COL4A3: variants seen among roughly 807,000 people sequenced by gnomAD.
The protein encoded by COL4A3 is collagen type IV alpha 3 chain, also known as collagen alpha-3(IV) chain.
In COL4A3, 135 loss-of-function variants were observed where a neutral mutation model predicts 217.4. The ratio of observed to expected loss-of-function variants is 0.62; its 90% confidence interval spans 0.54 to 0.72. The LOEUF is 0.72. COL4A3 is among the 30% of genes least tolerant of loss of function. COL4A3 has a pLI of 0.00. For synonymous variants in COL4A3, 690 were observed against 736.3 expected (o/e 0.94, Z 1.02); for missense variants, 1,868 against 2,119.9 (o/e 0.88, Z 2.33).
At chr2:227,248,609 C>T in intron 9 of COL4A3, 89 bp downstream of exon 9, 1 of 835,318 alleles carries the variant, frequency 1.2e-6, no homozygotes, top group Non-Finnish European at 2.1e-6. Flanking sequence ...CTCTCTTTTC[C>T]CCCATAAGTC....
intron 2 of COL4A3, 149 bp from the exon 3 acceptor site, chr2:227,239,994 A>G (rs1559856610): frequency 1.3e-6 from 1 of 772,632 alleles, no homozygotes; most frequent in East Asian, 2.7e-5. Context: ...GTCACTCCTG[A>G]GTGCTAATTA....
intron 1 of COL4A3, among the ~76,000 whole-genome samples, chr2:227,231,821 C>A (rs899043721): frequency 6.6e-6 from 1 of 151,380 alleles, no homozygotes; most frequent in African/African-American, 2.4e-5. Flanking sequence ...CGTGAACCCT[C>A]GTGCCTGGCT....
At chr2:227,285,431 A>G (rs780385238) in intron 34 of COL4A3, among the ~76,000 whole-genome samples, 5 of 152,108 alleles carry the variant, frequency 3.3e-5, no homozygotes, top group Non-Finnish European at 7.4e-5. Context: ...TCTGGTACAA[A>G]AAGAATATTG....
At chr2:227,234,965 T>C (rs1293222971) in intron 1 of COL4A3, among the ~76,000 whole-genome samples, 1 of 152,168 alleles carries the variant, frequency 6.6e-6, no homozygotes, top group Non-Finnish European at 1.5e-5. Context: ...TCATTGCCCA[T>C]TTGAAAACAG....
intron 1 of COL4A3, among the ~76,000 whole-genome samples, chr2:227,178,091 C>T (rs925989797): frequency 2.6e-5 from 4 of 152,092 alleles, no homozygotes; most frequent in Admixed American, 6.5e-5. Flanking sequence ...AAAAGAAAAT[C>T]GGGCCGGGCA....
Position 227,187,896 on chromosome 2 carries a change from T to C in COL4A3, c.87+23083T>C, listed in dbSNP as rs570987514. Among the ~76,000 whole-genome samples, 97 of 152,280 alleles carry C rather than the reference T, an allele frequency of 6.4e-4. 1 individual carries two copies. The highest frequency in any genetic ancestry group is 9.7e-4 in the Non-Finnish European group (66 of 68,028). Reference sequence around the variant, plus strand: ...CCCATATCTCCAGAGGGAATAAGATTGGTCCAGCTGATCACTTCATGTTTG... The same window carrying C: ...CCCATATCTCCAGAGGGAATAAGATCGGTCCAGCTGATCACTTCATGTTTG... On this transcript the variant is annotated intron_variant, in intron 1 of 51. Transcript: ENST00000396578.
chr2:227,173,367 A>G (rs1360897554), intron 1 of COL4A3, among the ~76,000 whole-genome samples: 1 of 152,204 alleles, frequency 6.6e-6, no homozygotes, highest in African/African-American at 2.4e-5. Context: ...CAAATCTGGT[A>G]AGAAAGCACC....
chr2:227,232,694 TC>T (rs2068473116), intron 1 of COL4A3, among the ~76,000 whole-genome samples: 1 of 152,230 alleles, frequency 6.6e-6, no homozygotes, highest in African/African-American at 2.4e-5. Flanking sequence ...TCTATTCAAA[TC>T]TTTTGCCCAT....
chr2:227,202,249 G>A (rs144958844), intron 1 of COL4A3, among the ~76,000 whole-genome samples: 1 of 152,306 alleles, frequency 6.6e-6, no homozygotes, highest in Non-Finnish European at 1.5e-5. Flanking sequence ...GGAGAGCTAT[G>A]TAATTTACAC....
At chr2:227,251,620 C>T (rs1346591390) in intron 11 of COL4A3, among the ~76,000 whole-genome samples, 1 of 152,210 alleles carries the variant, frequency 6.6e-6, no homozygotes, top group Admixed American at 6.5e-5. Context: ...GGCAAGGATT[C>T]TTAATCCACA....
At chr2:227,287,367 G>T (rs1432843767) in intron 34 of COL4A3, among the ~76,000 whole-genome samples, 2 of 151,892 alleles carry the variant, frequency 1.3e-5, no homozygotes, top group African/African-American at 2.4e-5. Context: ...GAAGGCGGAG[G>T]TTGCAGTGAG....
intron 50 of COL4A3, 61 bp downstream of exon 50, chr2:227,309,379 C>T: frequency 7.6e-7 from 1 of 1,318,744 alleles, no homozygotes; most frequent in Non-Finnish European, 1.1e-6. Flanking sequence ...TTACATTGTG[C>T]TGGGTAAAAT....
In COL4A3 at chr2:227,305,060, A is replaced by G; in HGVS notation, c.4229A>G (p.Asn1410Ser). Residue 1410 changes from asparagine (N) to serine (S), a missense_variant, in exon 47 of 52, where the codon AAC (asparagine) becomes AGC (serine). Physicochemically the swap from Asn to Ser is conservative, Grantham distance 46 (BLOSUM62 1). Around this residue, in one of 2 missense-constraint regions of COL4A3, gnomAD observed 1,503 missense variants for 1,786.1 expected, o/e 0.84. Transcript: ENST00000396578. ...CCTGGACCAGCTGGAGAAAAAGGCA[A>G]CAAAGGTTCTAAAGGAGAGCCAGGT... The part of the protein sequence containing the change: ...GTPGPAGEKG[N>S]KGSKGEPGPA... 6.2e-7 allele frequency: 1 copy of G among 1,613,822 alleles called. No homozygotes were observed. The highest frequency in any genetic ancestry group is 8.5e-7 in the Non-Finnish European group (1 of 1,179,828).
intron 7 of COL4A3, among the ~76,000 whole-genome samples, chr2:227,247,299 G>A (rs1490970645): frequency 6.6e-6 from 1 of 152,144 alleles, no homozygotes. Flanking sequence ...ACAATTCCAC[G>A]GCAGGATGGA....
At chr2:227,187,978 G>A (rs956695819) in intron 1 of COL4A3, among the ~76,000 whole-genome samples, 4 of 152,018 alleles carry the variant, frequency 2.6e-5, no homozygotes, top group Non-Finnish European at 4.4e-5. Context: ...TGCCTGCTTT[G>A]GTCCAGTCAG....
intron 18 of COL4A3, among the ~76,000 whole-genome samples, chr2:227,258,669 C>T (rs1337577078): frequency 6.6e-6 from 1 of 152,180 alleles, no homozygotes; most frequent in Admixed American, 6.5e-5. Context: ...GAGAGAAACA[C>T]TCATGGCCTA....
rs2066239172 is a variant in COL4A3 at position 227,191,503 on chromosome 2, T to C, written c.87+26690T>C. On this transcript the variant is annotated intron_variant, in intron 1 of 51. Transcript: ENST00000396578. This position sits in a 1 kb window ranked among gnomAD's most constrained non-coding sequence, Gnocchi z 6.8. Reference sequence around the variant, plus strand: ...AATGGCTCCATCCACGGTGCATTTGTGGAGCTCCCCTGTTGGCCATTCCCC... The same window carrying C: ...AATGGCTCCATCCACGGTGCATTTGCGGAGCTCCCCTGTTGGCCATTCCCC... 6.6e-6 allele frequency among the ~76,000 whole-genome samples: 1 copy of C among 152,150 alleles called. No homozygotes were observed. Among genetic ancestry groups the C allele is most frequent in the Non-Finnish European group, 1.5e-5 (1 of 68,036 alleles).
intron 1 of COL4A3, among the ~76,000 whole-genome samples, chr2:227,209,735 T>G (rs1458406389): frequency 6.6e-6 from 1 of 152,142 alleles, no homozygotes; most frequent in Non-Finnish European, 1.5e-5. Flanking sequence ...CCAGCTACTC[T>G]GGAGGTTGAT....
chr2:227,256,351 G>A lies in COL4A3; in HGVS notation c.942G>A (p.Lys314=), dbSNP rs762999258. The A allele has an allele frequency of 4.3e-5, 69 of 1,613,392 alleles. No homozygotes were observed. Among genetic ancestry groups the A allele is most frequent in the Non-Finnish European group, 5.2e-5 (61 of 1,179,530 alleles). ...VPGFPGSEGV[K]GNRGFPGLMG... is the part of the protein sequence containing the mutation. ...TTTGTTCTTTTCTTTAGGGAGTCAA[G>A]GGCAACAGGGGTTTCCCTGGGTTAA... is the stretch of plus-strand genomic sequence containing the variant. The change falls in exon 17 of 52, where the codon AAG becomes AAA. Residue 314 remains lysine (K), a synonymous_variant. Coordinates refer to ENST00000396578, the MANE Select transcript of COL4A3 (RefSeq NM_000091.5).
Sources: allele counts gnomAD v4.1 joint callset (sites outside exome capture counted in the v4.1 genomes callset), GRCh38; gene constraint gnomAD v4.1.1; regional missense constraint gnomAD v4.1.1; non-coding constraint Gnocchi (gnomAD v3.1); transcripts MANE v1.5; gene names NCBI Gene and HGNC (gene_info 2026-07-23, HGNC 2026-07-21).